The following CUL4A variants were observed in gnomAD, a reference collection of about 807,000 sequenced individuals.
CUL4A encodes cullin-4A.
A neutral mutation model predicts 95.5 loss-of-function variants in CUL4A; 16 were observed. The observed-to-expected ratio is 0.17, with a 90% CI of 0.11 to 0.25. CUL4A has a LOEUF of 0.25. CUL4A is among the 10% of genes least tolerant of loss of function. The pLI is 1.00. For missense variants in CUL4A, 610 were observed against 937.0 expected, an observed-to-expected ratio of 0.65 and a Z score of 4.56; for synonymous variants, 380 against 353.1, an observed-to-expected ratio of 1.08 and a Z score of -0.85.
At chr13:113,208,331 G>A, upstream of CUL4A, 1 of 1,432,874 alleles carries the variant, frequency 7.0e-7, no homozygotes, top group Non-Finnish European at 9.1e-7. Context: ...CAGCGACCTG[G>A]GACCGCCGCG....
intron 15 of CUL4A, among the ~76,000 whole-genome samples, chr13:113,251,004 T>G (rs1322304896): frequency 1.3e-5 from 2 of 152,072 alleles, no homozygotes. Context: ...GGGCACAGCT[T>G]AGACAGAAAC....
intron 15 of CUL4A, among the ~76,000 whole-genome samples, chr13:113,247,484 C>T (rs1165114348): frequency 2.0e-5 from 3 of 152,138 alleles, no homozygotes; most frequent in Non-Finnish European, 4.4e-5. Context: ...TCTTAATATC[C>T]AGATCCTACA....
upstream of CUL4A, chr13:113,209,531 A>T: frequency 8.2e-6 from 5 of 609,282 alleles, no homozygotes; most frequent in East Asian, 2.0e-4. Flanking sequence ...GGGGCGCGCG[A>T]GGAGGACGGG....
At chr13:113,237,489 T>C (rs1161104854) in intron 9 of CUL4A, among the ~76,000 whole-genome samples, 1 of 152,254 alleles carries the variant, frequency 6.6e-6, no homozygotes, top group Non-Finnish European at 1.5e-5. Context: ...TCTAGCAGCC[T>C]GCACCTTTAA....
At chr13:113,257,825 G>GT (rs1326480451) in intron 18 of CUL4A, among the ~76,000 whole-genome samples, 1 of 152,076 alleles carries the variant, frequency 6.6e-6, no homozygotes, top group African/African-American at 2.4e-5. Flanking sequence ...TTCTTTTCAT[G>GT]TTGCAGAAAT....
intron 3 of CUL4A, among the ~76,000 whole-genome samples, chr13:113,227,343 G>C (rs909749391): frequency 1.3e-5 from 2 of 152,208 alleles, no homozygotes; most frequent in African/African-American, 4.8e-5. Context: ...TCCATAGCCA[G>C]CACCTTCTCA....
At chr13:113,213,139 G>C (rs1033816186) in intron 2 of CUL4A, among the ~76,000 whole-genome samples, 1 of 152,162 alleles carries the variant, frequency 6.6e-6, no homozygotes, top group Non-Finnish European at 1.5e-5. Flanking sequence ...TGTAATCCCA[G>C]CACTTTGGGG....
chr13:113,208,786 C>T, upstream of CUL4A: 1 of 1,420,016 alleles, frequency 7.0e-7, no homozygotes, highest in South Asian at 1.5e-5. Context: ...GGGACCGGCT[C>T]GGCGACGCGC....
chr13:113,259,917 C>A (rs977232749), intron 18 of CUL4A, among the ~76,000 whole-genome samples: 5 of 151,918 alleles, frequency 3.3e-5, no homozygotes, highest in Non-Finnish European at 5.9e-5. Flanking sequence ...ATCAAAAGAA[C>A]ATTTCCGGCC....
At chr13:113,221,419 T>C (rs1158140597) in intron 3 of CUL4A, among the ~76,000 whole-genome samples, 2 of 152,216 alleles carry the variant, frequency 1.3e-5, no homozygotes, top group Non-Finnish European at 2.9e-5. Flanking sequence ...GTATCTGTCA[T>C]GTGCTAGGTA....
rs530725206 is a variant in CUL4A, at chr13:113,266,632, C to G, written c.*3050C>G. 36 of 152,114 alleles carry G rather than the reference C, an allele frequency of 2.4e-4. 1 individual carries two copies. Among genetic ancestry groups the G allele is most frequent in the African/African-American group, 8.7e-4 (36 of 41,430 alleles). The allele number at this position is 152,114 out of a possible 1,614,324, so 9.4% of individuals were successfully genotyped here. A position where few individuals can be genotyped will look rare whatever the true frequency, so the allele number is the denominator to read the frequency against. On this transcript the variant is annotated 3_prime_UTR_variant, in exon 20 of 20. Coordinates refer to ENST00000375440, the MANE Select transcript of CUL4A (RefSeq NM_001008895.4). ...TGGCCCTTTAAAAAGATTCCTGGAA[C>G]AAGAAAGTCCACAAATAAGCCAAAT... is the stretch of plus-strand genomic sequence containing the variant.
upstream of CUL4A, chr13:113,208,768 A>G: frequency 7.0e-7 from 1 of 1,437,722 alleles, no homozygotes; most frequent in Non-Finnish European, 9.1e-7. Flanking sequence ...TTCCGGAGGG[A>G]GAACCTGGGG....
chr13:113,264,425 A>G lies in CUL4A; in HGVS notation c.*843A>G, dbSNP rs1285204603. 6.6e-6 allele frequency: 1 copy of G among 152,176 alleles called. No individual in the cohort carries two copies. Among genetic ancestry groups the G allele is most frequent in the Non-Finnish European group, 1.5e-5 (1 of 68,044 alleles). The allele number at this position is 152,176 out of a possible 1,614,324, so 9.4% of individuals were successfully genotyped here. A position where few individuals can be genotyped will look rare whatever the true frequency, so the allele number is the denominator to read the frequency against. On this transcript the variant is annotated 3_prime_UTR_variant, in exon 20 of 20. Coordinates refer to ENST00000375440, the MANE Select transcript of CUL4A (RefSeq NM_001008895.4). ...AAAGTTTGGTTTGGTTTTTACAGTC[A>G]TGCGCAGGGACGATCCTTGTTCTCT...
intron 3 of CUL4A, among the ~76,000 whole-genome samples, chr13:113,222,097 C>T (rs1009909203): frequency 4.6e-5 from 7 of 152,180 alleles, no homozygotes; most frequent in African/African-American, 9.7e-5. Flanking sequence ...GCAGAAGAGC[C>T]AGGTATGCTG....
chr13:113,210,117 C>A, intron 2 of CUL4A, 29 bp downstream of exon 2: 3 of 1,392,240 alleles, frequency 2.2e-6, no homozygotes, highest in Non-Finnish European at 2.9e-6. Flanking sequence ...CTGGGGACGC[C>A]GCTCCTGCCC....
Position 113,233,187 on chromosome 13 carries a change from T to A in CUL4A, c.523T>A (p.Leu175Ile). 5 of 1,613,966 alleles carry A rather than the reference T, an allele frequency of 3.1e-6. No homozygotes were observed. Among genetic ancestry groups the A allele is most frequent in the Non-Finnish European group, 4.2e-6 (5 of 1,179,912 alleles). Residue 175 changes from leucine to isoleucine, a missense_variant, in exon 6 of 20, where the codon TTA becomes ATA. By Grantham distance (5) the Leu-to-Ile change is conservative (BLOSUM62 2). Around this residue, in one of 10 missense-constraint regions of CUL4A, gnomAD observed 97 missense variants for 100.3 expected, o/e 0.97. Transcript: ENST00000375440. ...TTACTGTCTATACAGGGATATGGGA[T>A]TAGAACTGTTTAGAACCCATATTAT... ...STLPSIWDMG[L>I]ELFRTHIISD...
intron 15 of CUL4A, among the ~76,000 whole-genome samples, chr13:113,250,316 G>C (rs1212654930): frequency 6.6e-6 from 1 of 152,086 alleles, no homozygotes; most frequent in Non-Finnish European, 1.5e-5. Flanking sequence ...GCCGCATGTC[G>C]TGGTGTCTGC....
intron 2 of CUL4A, among the ~76,000 whole-genome samples, chr13:113,217,751 C>G (rs544181222): frequency 6.6e-6 from 1 of 152,084 alleles, no homozygotes; most frequent in Non-Finnish European, 1.5e-5. Flanking sequence ...CCACATTTTT[C>G]GAACCCCACA....
In CUL4A at chr13:113,243,097, C is replaced by T; in HGVS notation, c.1165C>T (p.Leu389=). 2 of 1,614,184 alleles carry T rather than the reference C, an allele frequency of 1.2e-6. No individual in the cohort carries two copies. Among genetic ancestry groups the T allele is most frequent in the Non-Finnish European group, 1.7e-6 (2 of 1,180,020 alleles). Residue 389 remains leucine (L), a synonymous_variant, in exon 11 of 20, where the codon CTG becomes TTG. Coordinates refer to ENST00000375440, the MANE Select transcript of CUL4A (RefSeq NM_001008895.4). The stretch of plus-strand genomic sequence containing the variant: ...CCAGAAGAATGAGCGGTTCGTCAAC[C>T]TGATGAAGGAGTCCTTTGAGACGTT... The part of the protein sequence containing the change: ...CFQKNERFVN[L]MKESFETFIN...
Sources: allele counts gnomAD v4.1 joint callset (sites outside exome capture counted in the v4.1 genomes callset), GRCh38; gene constraint gnomAD v4.1.1; regional missense constraint gnomAD v4.1.1; transcripts MANE v1.5; gene names NCBI Gene and HGNC (gene_info 2026-07-23, HGNC 2026-07-21).